The following NPSR1 variants were observed in gnomAD, a reference collection of about 807,000 sequenced individuals.
The protein encoded by NPSR1 is neuropeptide S receptor 1.
NPSR1 carries 48 observed loss-of-function variants against 46.9 expected under a neutral mutation model. That is an observed-to-expected ratio of 1.02 (90% CI 0.81 to 1.30). The LOEUF is 1.30. NPSR1 is among the 50% of genes most tolerant of loss of function. The pLI is 0.00. For synonymous variants in NPSR1, 176 were observed against 168.1 expected (o/e 1.05, Z -0.36); for missense variants, 450 against 449.5 (o/e 1.00, Z -0.01).
chr7:34,760,739 T>C (rs1008544793), intron 2 of NPSR1, among the ~76,000 whole-genome samples: 3 of 152,220 alleles, frequency 2.0e-5, no homozygotes, highest in African/African-American at 7.2e-5. Context: ...ATATAATTTG[T>C]TGTAATCTTG....
At chr7:34,791,781 T>C (rs1330455237) in intron 3 of NPSR1, among the ~76,000 whole-genome samples, 1 of 152,158 alleles carries the variant, frequency 6.6e-6, no homozygotes, top group Non-Finnish European at 1.5e-5. Flanking sequence ...GGCATCACAC[T>C]TCCTGCTTAC....
chr7:34,747,980 C>T (rs142809786), intron 2 of NPSR1, among the ~76,000 whole-genome samples: 96 of 152,264 alleles, frequency 6.3e-4, no homozygotes, highest in African/African-American at 2.1e-3. Context: ...ACTGTGCCTC[C>T]AGTCATGTTT....
intron 7 of NPSR1, among the ~76,000 whole-genome samples, chr7:34,847,504 C>T (rs1237576247): frequency 6.6e-6 from 1 of 152,036 alleles, no homozygotes; most frequent in Non-Finnish European, 1.5e-5. Flanking sequence ...CCAGGAAAGC[C>T]AATGGTGTAG....
intron 2 of NPSR1, among the ~76,000 whole-genome samples, chr7:34,773,469 G>C (rs1308528858): frequency 6.6e-6 from 1 of 152,150 alleles, no homozygotes; most frequent in Non-Finnish European, 1.5e-5. Context: ...ACAGTTAGCT[G>C]TGTTGACTAT....
intron 3 of NPSR1, among the ~76,000 whole-genome samples, chr7:34,797,285 A>T (rs35963851): frequency 7.4e-4 from 112 of 152,236 alleles, no homozygotes; most frequent in African/African-American, 2.6e-3. Context: ...GTCAAAATAC[A>T]ATGTATAACA....
At chr7:34,779,171 TATC>T (rs1787117595) in intron 3 of NPSR1, among the ~76,000 whole-genome samples, 1 of 152,090 alleles carries the variant, frequency 6.6e-6, no homozygotes, top group Non-Finnish European at 1.5e-5. Flanking sequence ...CATATTTATG[TATC>T]ATATGTATAT....
intron 3 of NPSR1, among the ~76,000 whole-genome samples, chr7:34,785,498 T>TTAAGTTTTAGGGTACG (rs1787424880): frequency 6.7e-6 from 1 of 148,600 alleles, no homozygotes; most frequent in Non-Finnish European, 1.5e-5. Context: ...AACCTGCACA[T>TTAAGTTTTAGGGTACG]TGTGCACACG....
At chr7:34,860,189 G>A (rs1290582719) in intron 8 of NPSR1, among the ~76,000 whole-genome samples, 1 of 151,612 alleles carries the variant, frequency 6.6e-6, no homozygotes, top group Non-Finnish European at 1.5e-5. Flanking sequence ...GTGATGTCTT[G>A]GAACAAGGAA....
At chr7:34,784,629 A>G in intron 3 of NPSR1, among the ~76,000 whole-genome samples, 1 of 152,256 alleles carries the variant, frequency 6.6e-6, no homozygotes. Context: ...CATCAAGGAT[A>G]TTGGTCTAAA....
intron 2 of NPSR1, among the ~76,000 whole-genome samples, chr7:34,686,960 CAAAA>C (rs66886501): frequency 1.3e-4 from 12 of 94,206 alleles, no homozygotes; most frequent in Admixed American, 1.2e-4. Flanking sequence ...GACTCCGTCT[CAAAA>C]AAAAAAAAAA....
chr7:34,664,781 T>C (rs1342465120), intron 1 of NPSR1, among the ~76,000 whole-genome samples: 1 of 152,212 alleles, frequency 6.6e-6, no homozygotes, highest in Non-Finnish European at 1.5e-5. Flanking sequence ...AATTATGCCC[T>C]ATCTGGAGAA....
In NPSR1 at chr7:34,662,638, T is replaced by A. The variant is rs141516376; in HGVS notation, c.147+4079T>A. Reference sequence around the variant, plus strand: ...TTTGAGTTTCTACAGTTGAATACTGTGGCTGCTCCTAAGGAAATTACTACC... The same window carrying A: ...TTTGAGTTTCTACAGTTGAATACTGAGGCTGCTCCTAAGGAAATTACTACC... On this transcript the variant is annotated intron_variant, in intron 1 of 8. Coordinates refer to ENST00000360581, the MANE Select transcript of NPSR1 (RefSeq NM_207172.2). 9.2e-5 allele frequency among the ~76,000 whole-genome samples: 14 copies of A among 152,316 alleles called. No individual in the cohort carries two copies. The East Asian group carries it at 2.3e-3, about 25-fold the overall frequency.
chr7:34,855,134 AC>A, intron 8 of NPSR1, among the ~76,000 whole-genome samples: 2 of 152,314 alleles, frequency 1.3e-5, no homozygotes, highest in African/African-American at 4.8e-5. Flanking sequence ...TACAAATAAA[AC>A]AATACTTAAA....
Position 34,658,551 on chromosome 7 carries a change from T to C in NPSR1, c.139T>C (p.Ser47Pro), listed in dbSNP as rs1260501119. 1 of 1,614,026 alleles carries C rather than the reference T, an allele frequency of 6.2e-7. No individual in the cohort carries two copies. The stretch of plus-strand genomic sequence containing the variant: ...AAAGGAATGGGGTTCCTTCTACTAC[T>C]CCTTTAAGGTAAGTTTCTTGCCTGC... ...EGKEWGSFYYSFKTEQLITLW... is the reference protein window; with the variant it reads ...EGKEWGSFYYPFKTEQLITLW... Residue 47 changes from serine (S) to proline (P), a missense_variant, in exon 1 of 9, where the codon TCC becomes CCC. Ser to Pro is a moderately conservative substitution (Grantham distance 74). Coordinates refer to ENST00000360581, the MANE Select transcript of NPSR1 (RefSeq NM_207172.2).
chr7:34,747,818 T>C (rs960019919), intron 2 of NPSR1, among the ~76,000 whole-genome samples: 7 of 152,202 alleles, frequency 4.6e-5, no homozygotes, highest in African/African-American at 1.7e-4. Flanking sequence ...CAAATCTTAT[T>C]TTTATTATAC....
intron 8 of NPSR1, among the ~76,000 whole-genome samples, chr7:34,864,764 C>A (rs769904727): frequency 1.4e-4 from 21 of 151,912 alleles, no homozygotes; most frequent in Admixed American, 7.9e-4. Flanking sequence ...GAGACTAAAA[C>A]AACACCCTTA....
At chr7:34,791,009 T>A (rs1227755879) in intron 3 of NPSR1, among the ~76,000 whole-genome samples, 1 of 120,872 alleles carries the variant, frequency 8.3e-6, no homozygotes, top group Non-Finnish European at 1.6e-5. Context: ...ATGTTATATG[T>A]TATATTATAT....
chr7:34,867,679 A>G (rs73693332), intron 8 of NPSR1, among the ~76,000 whole-genome samples: 8,473 of 151,914 alleles, frequency 0.056, 797 homozygotes, highest in African/African-American at 0.17. Flanking sequence ...GAAATAAGTA[A>G]TGGGTCACTG....
At chr7:34,681,524 G>A (rs1307591883) in intron 1 of NPSR1, among the ~76,000 whole-genome samples, 1 of 152,160 alleles carries the variant, frequency 6.6e-6, no homozygotes, top group Non-Finnish European at 1.5e-5. Context: ...CAGCAGCAGC[G>A]GAAGAGATAG....
Sources: allele counts gnomAD v4.1 joint callset (sites outside exome capture counted in the v4.1 genomes callset), GRCh38; gene constraint gnomAD v4.1.1; transcripts MANE v1.5; gene names NCBI Gene and HGNC (gene_info 2026-07-23, HGNC 2026-07-21).